The following SLC25A53 variants were observed in gnomAD, a reference collection of about 807,000 sequenced individuals.
The protein encoded by SLC25A53 is mitochondrial carrier triple repeat protein 6.
A neutral mutation model predicts 15.0 loss-of-function variants in SLC25A53; 5 were observed. The ratio of observed to expected loss-of-function variants is 0.33; its 90% CI spans 0.17 to 0.70. The LOEUF (loss-of-function observed/expected upper bound fraction) is 0.70. Among genes scored for constraint, SLC25A53 ranks in the 30% least tolerant of loss-of-function variants. The pLI, the probability that SLC25A53 is intolerant of heterozygous loss-of-function variation, is 0.67. For missense variants in SLC25A53, 216 were observed against 241.6 expected, an observed-to-expected ratio of 0.89 and a Z score of 0.70; for synonymous variants, 95 against 100.0, an observed-to-expected ratio of 0.95 and a Z score of 0.30.
In SLC25A53 at chrX:104,130,412, C is replaced by T. The variant is rs192833092; in HGVS notation, c.-31-25124G>A. ...GAGGGTGTGGATTCCAATCACTTAA[C>T]TCCAGCCTGGGTTGAGTCAGCAATC... On this transcript the variant is annotated intron_variant, in intron 1 of 1. Transcript: ENST00000594199. Among the ~76,000 whole-genome samples, 74 of 111,686 alleles carry T rather than the reference C, an allele frequency of 6.6e-4. No homozygotes were observed. The East Asian group carries it at 0.02, about 30-fold the overall frequency.
At chrX:104,112,641 C>T (rs1402185640) in intron 1 of SLC25A53, 4 of 113,717 alleles carry the variant, frequency 3.5e-5, no homozygotes, top group African/African-American at 6.4e-5. Context: ...TCGGCTACCC[C>T]TCGCTGGGCG....
At chrX:104,121,379 G>C (rs2075392338) in intron 1 of SLC25A53, among the ~76,000 whole-genome samples, 1 of 111,724 alleles carries the variant, frequency 9.0e-6, no homozygotes. Flanking sequence ...ACTGAGAAAA[G>C]CATCCTTATT....
intron 1 of SLC25A53, chrX:104,114,562 C>T (rs1556360520): frequency 5.8e-6 from 7 of 1,209,798 alleles, no homozygotes; most frequent in East Asian, 5.9e-5. Flanking sequence ...TTATGTGATC[C>T]GTTTAGAGGT....
chrX:104,150,655 C>T (rs988124694), intron 1 of SLC25A53, among the ~76,000 whole-genome samples: 1 of 112,395 alleles, frequency 8.9e-6, no homozygotes, highest in African/African-American at 3.2e-5. Flanking sequence ...AATTAGCCTC[C>T]TTCTGGATAA....
chrX:104,142,961 T>C (rs2075455304), intron 1 of SLC25A53, among the ~76,000 whole-genome samples: 1 of 108,183 alleles, frequency 9.2e-6, no homozygotes, highest in African/African-American at 3.4e-5. Context: ...GATTTCTGCA[T>C]TTCCAACTGA....
intron 1 of SLC25A53, among the ~76,000 whole-genome samples, chrX:104,111,629 C>A (rs1478516788): frequency 1.8e-5 from 2 of 111,462 alleles, no homozygotes; most frequent in African/African-American, 6.5e-5. Context: ...ACTACCTCCT[C>A]ACCCCCTCCC....
At chrX:104,128,751 CAT>C (rs1392316173) in intron 1 of SLC25A53, among the ~76,000 whole-genome samples, 2 of 109,875 alleles carry the variant, frequency 1.8e-5, no homozygotes, top group African/African-American at 6.8e-5. Context: ...CACACACACA[CAT>C]AAACAGACAC....
At chrX:104,108,889 A>T (rs1371431989) in intron 1 of SLC25A53, among the ~76,000 whole-genome samples, 1 of 112,424 alleles carries the variant, frequency 8.9e-6, no homozygotes, top group Non-Finnish European at 1.9e-5. Context: ...AGCTAGAGTG[A>T]ATAGAACTTG....
At chrX:104,146,791 G>T (rs1220867137) in intron 1 of SLC25A53, among the ~76,000 whole-genome samples, 1 of 109,847 alleles carries the variant, frequency 9.1e-6, no homozygotes, top group South Asian at 3.9e-4. Context: ...CACTGCTCAA[G>T]GAAATAAAAG....
At chrX:104,150,096 A>G (rs1556370066) in intron 1 of SLC25A53, among the ~76,000 whole-genome samples, 1 of 109,243 alleles carries the variant, frequency 9.2e-6, no homozygotes. Flanking sequence ...AGCCAGGTGT[A>G]GTGGCACACA....
intron 1 of SLC25A53, among the ~76,000 whole-genome samples, chrX:104,156,155 G>A (rs2075500448): frequency 9.0e-6 from 1 of 110,791 alleles, no homozygotes; most frequent in Non-Finnish European, 1.9e-5. Context: ...CAACAGGGAG[G>A]GAAGGTGCTT....
intron 1 of SLC25A53, among the ~76,000 whole-genome samples, chrX:104,125,812 A>C (rs114290836): frequency 0.039 from 4,362 of 111,862 alleles, 181 homozygotes; most frequent in African/African-American, 0.13. Context: ...TGCCAGGATG[A>C]AGCCACTGAG....
chrX:104,126,265 C>T (rs782774906), intron 1 of SLC25A53, among the ~76,000 whole-genome samples: 1 of 111,531 alleles, frequency 9.0e-6, no homozygotes, highest in East Asian at 2.8e-4. Context: ...GCTACGATCA[C>T]ATCACTGCAC....
Position 104,101,004 on chromosome X carries a change from G to T in SLC25A53, c.*3330C>A, listed in dbSNP as rs1459306237. The T allele has an allele frequency of 1.8e-5, 2 of 112,028 alleles. No individual in the cohort carries two copies. The highest frequency in any genetic ancestry group is 6.5e-5 in the African/African-American group (2 of 30,806). 9.2% of individuals were successfully genotyped at this position (112,028 alleles called of 1,213,427 possible). A position where few individuals can be genotyped will look rare whatever the true frequency, so the allele number is the denominator to read the frequency against. On this transcript the variant is annotated 3_prime_UTR_variant, in exon 2 of 2. Coordinates refer to ENST00000594199, the MANE Select transcript of SLC25A53 (RefSeq NM_001012755.5). ...TTCCCAGGCCCTTCAGACACCAGTC[G>T]CAAATCCAAGCCTCCAGAACTTCTG...
At chrX:104,135,801 G>C in intron 1 of SLC25A53, among the ~76,000 whole-genome samples, 1 of 111,957 alleles carries the variant, frequency 8.9e-6, no homozygotes, top group Non-Finnish European at 1.9e-5. Context: ...CTATGTACTG[G>C]AGCCTATGCT....
In SLC25A53 at chrX:104,104,306, C is replaced by T. The variant is rs781908223; in HGVS notation, c.*28G>A. 2.5e-6 allele frequency: 3 copies of T among 1,189,642 alleles called. No individual in the cohort carries two copies. The South Asian group carries it at 5.5e-5, about 22-fold the overall frequency. On this transcript the variant is annotated 3_prime_UTR_variant, in exon 2 of 2. Transcript: ENST00000594199. ...ACCAACCAGGGAAGATTTAGAATAA[C>T]AAAGCTGCCATGCCACACTTTCTGC...
intron 1 of SLC25A53, among the ~76,000 whole-genome samples, chrX:104,135,379 C>A (rs1259502343): frequency 2.7e-5 from 3 of 110,144 alleles, no homozygotes; most frequent in African/African-American, 9.9e-5. Flanking sequence ...CCTGAATAGA[C>A]ACCTCAACCT....
chrX:104,129,423 A>C (rs2075419344), intron 1 of SLC25A53, among the ~76,000 whole-genome samples: 2 of 111,506 alleles, frequency 1.8e-5, no homozygotes, highest in South Asian at 3.7e-4. Context: ...GGCTCTTAGA[A>C]ACACTAGGCA....
intron 1 of SLC25A53, among the ~76,000 whole-genome samples, chrX:104,150,952 TAAGA>T (rs2075483115): frequency 9.0e-6 from 1 of 111,391 alleles, no homozygotes; most frequent in Non-Finnish European, 1.9e-5. Context: ...GGACCTCGCA[TAAGA>T]AAACTCGTTC....
Sources: allele counts gnomAD v4.1 joint callset (sites outside exome capture counted in the v4.1 genomes callset), GRCh38; gene constraint gnomAD v4.1.1; transcripts MANE v1.5; gene names NCBI Gene and HGNC (gene_info 2026-07-23, HGNC 2026-07-21).